The following SDCCAG8 variants were observed in gnomAD, a reference collection of about 807,000 sequenced individuals.
The protein encoded by SDCCAG8 is serologically defined colon cancer antigen 8.
A neutral mutation model predicts 101.8 loss-of-function variants in SDCCAG8; 74 were observed. That is an observed-to-expected ratio of 0.73 (90% CI 0.60 to 0.88). The LOEUF (loss-of-function observed/expected upper bound fraction) is 0.88. Ranked by LOEUF, SDCCAG8 falls within the 40% of genes least tolerant of loss-of-function variation. The pLI, the probability that SDCCAG8 is intolerant of heterozygous loss-of-function variation, is 0.00. For synonymous variants in SDCCAG8, 281 were observed against 292.9 expected (o/e 0.96, Z 0.41); for missense variants, 787 against 822.6 (o/e 0.96, Z 0.53).
chr1:243,320,625 C>T (rs1165867613), intron 9 of SDCCAG8, among the ~76,000 whole-genome samples: 1 of 152,162 alleles, frequency 6.6e-6, no homozygotes, highest in Non-Finnish European at 1.5e-5. Context: ...GGCTGTGTGA[C>T]CTTGGACGAG....
At chr1:243,447,315 G>T (rs1384262979) in intron 16 of SDCCAG8, among the ~76,000 whole-genome samples, 2 of 135,818 alleles carry the variant, frequency 1.5e-5, no homozygotes, top group Non-Finnish European at 3.1e-5. Flanking sequence ...AATGTATTAA[G>T]TCTCATCGCT....
At chr1:243,464,725 A>C (rs1659794691) in intron 16 of SDCCAG8, among the ~76,000 whole-genome samples, 1 of 152,214 alleles carries the variant, frequency 6.6e-6, no homozygotes, top group Non-Finnish European at 1.5e-5. Flanking sequence ...TAGGACAATA[A>C]ACAAGAAGTC....
chr1:243,329,109 C>T (rs533957510), intron 9 of SDCCAG8, among the ~76,000 whole-genome samples: 1 of 152,260 alleles, frequency 6.6e-6, no homozygotes, highest in African/African-American at 2.4e-5. Flanking sequence ...ATATTTCAAG[C>T]TCCAAGGGCT....
At chr1:243,406,671 T>C (rs1231354263) in intron 13 of SDCCAG8, among the ~76,000 whole-genome samples, 1 of 152,146 alleles carries the variant, frequency 6.6e-6, no homozygotes, top group Non-Finnish European at 1.5e-5. Context: ...AATAGCTTCA[T>C]GTTCTGGCTC....
At chr1:243,366,674 G>C (rs2077004884) in intron 12 of SDCCAG8, among the ~76,000 whole-genome samples, 1 of 151,934 alleles carries the variant, frequency 6.6e-6, no homozygotes, top group South Asian at 2.1e-4. Context: ...TTGTAAATTT[G>C]AGGAGGAAAT....
intron 13 of SDCCAG8, among the ~76,000 whole-genome samples, chr1:243,412,843 G>T (rs1048712786): frequency 3.3e-5 from 5 of 150,216 alleles, no homozygotes; most frequent in African/African-American, 1.2e-4. Context: ...TTTTAAGTAG[G>T]TTTTTTTTTT....
At chr1:243,276,287 T>G (rs564728541) in intron 4 of SDCCAG8, among the ~76,000 whole-genome samples, 49 of 152,346 alleles carry the variant, frequency 3.2e-4, no homozygotes, top group Non-Finnish European at 5.9e-4. Flanking sequence ...ATAAGCCATC[T>G]ACTTTATCTT....
intron 17 of SDCCAG8, among the ~76,000 whole-genome samples, chr1:243,491,652 G>C (rs1358943792): frequency 2.0e-5 from 3 of 152,196 alleles, no homozygotes. Context: ...TCTTGTCATG[G>C]AATCAGCTTG....
chr1:243,417,127 G>A (rs1231265327), intron 14 of SDCCAG8, among the ~76,000 whole-genome samples: 1 of 152,110 alleles, frequency 6.6e-6, no homozygotes, highest in Non-Finnish European at 1.5e-5. Flanking sequence ...ATCACTTTCA[G>A]TAGAGATTTT....
At chr1:243,368,869 C>T (rs1444034922) in intron 12 of SDCCAG8, among the ~76,000 whole-genome samples, 3 of 152,010 alleles carry the variant, frequency 2.0e-5, no homozygotes, top group Admixed American at 1.3e-4. Context: ...ATAACGGGTC[C>T]CTTCAACCTC....
In SDCCAG8 at chr1:243,271,025, G is replaced by C; in HGVS notation, c.268G>C (p.Glu90Gln). 1 of 1,613,592 alleles carries C rather than the reference G, an allele frequency of 6.2e-7. No individual in the cohort carries two copies. The highest frequency in any genetic ancestry group is 1.1e-5 in the South Asian group (1 of 91,072). Reference sequence around the variant, plus strand: ...GCGCCAACAAGCAGATAAGGAAAGTGAAGTATCTCCGTCAAGAAGAAGAAA... The same window carrying C: ...GCGCCAACAAGCAGATAAGGAAAGTCAAGTATCTCCGTCAAGAAGAAGAAA... ...LLRQQADKES[E>Q]VSPSRRRKMS... Residue 90 changes from glutamate to glutamine, a missense_variant, in exon 3 of 18, where the codon GAA becomes CAA. Transcript: ENST00000366541.
chr1:243,256,440 T>A (rs1400999015), intron 1 of SDCCAG8, among the ~76,000 whole-genome samples, 200 bp downstream of exon 1: 2 of 152,226 alleles, frequency 1.3e-5, no homozygotes, highest in Non-Finnish European at 2.9e-5. Flanking sequence ...TTCCTCAGAT[T>A]CCCGTAGTTA....
At chr1:243,446,670 C>T (rs2082930040) in intron 16 of SDCCAG8, among the ~76,000 whole-genome samples, 1 of 152,148 alleles carries the variant, frequency 6.6e-6, no homozygotes, top group Admixed American at 6.5e-5. Context: ...TCAGCCTCAC[C>T]CCACCCAGAA....
chr1:243,478,160 C>G (rs1662793861), intron 16 of SDCCAG8, among the ~76,000 whole-genome samples: 1 of 152,190 alleles, frequency 6.6e-6, no homozygotes, highest in Non-Finnish European at 1.5e-5. Flanking sequence ...AGCGTGTTCT[C>G]TCTCTCAGGG....
chr1:243,465,042 G>A (rs1284456670), intron 16 of SDCCAG8, among the ~76,000 whole-genome samples: 1 of 152,222 alleles, frequency 6.6e-6, no homozygotes, highest in East Asian at 1.9e-4. Flanking sequence ...ACTTTCCCTA[G>A]GGCCAACTAA....
chr1:243,405,735 A>G (rs1018908180), intron 13 of SDCCAG8, among the ~76,000 whole-genome samples: 2 of 152,140 alleles, frequency 1.3e-5, no homozygotes, highest in Non-Finnish European at 2.9e-5. Flanking sequence ...TGTGGAACAT[A>G]TTCTCAACAT....
At chr1:243,356,415 A>C (rs1249054324) in intron 12 of SDCCAG8, among the ~76,000 whole-genome samples, 1 of 10,534 alleles carries the variant, frequency 9.5e-5, no homozygotes, top group East Asian at 0.028. Flanking sequence ...AAAGAAAAGT[A>C]GTGGCGGGGG....
At chr1:243,319,397 G>C (rs2073556300) in intron 9 of SDCCAG8, among the ~76,000 whole-genome samples, 1 of 152,020 alleles carries the variant, frequency 6.6e-6, no homozygotes, top group African/African-American at 2.4e-5. Flanking sequence ...TTTTGAGACA[G>C]AGTTTCATTC....
chr1:243,401,929 A>G (rs2079425054), intron 13 of SDCCAG8, among the ~76,000 whole-genome samples: 1 of 152,112 alleles, frequency 6.6e-6, no homozygotes, highest in African/African-American at 2.4e-5. Context: ...ATGAGTTTTG[A>G]TATCTTCATG....
Sources: gnomAD v4.1 joint callset for allele counts (sites outside exome capture counted in the v4.1 genomes callset) on GRCh38, gnomAD v4.1.1 for gene constraint, MANE v1.5 for transcripts, NCBI Gene and HGNC (gene_info 2026-07-23, HGNC 2026-07-21) for gene names.